Variants in BUD23 observed in about 807,000 individuals in gnomAD.
BUD23 encodes the protein BUD23 rRNA methyltransferase and ribosome maturation factor.
Under a neutral mutation model 47.0 loss-of-function variants are expected in BUD23, and 34 were observed. The ratio of observed to expected loss-of-function variants is 0.72; its 90% CI spans 0.55 to 0.96. The LOEUF is 0.96. Among genes scored for constraint, BUD23 ranks in the 40% least tolerant of loss-of-function variants. The pLI is 0.00. For missense variants in BUD23, 343 were observed against 361.2 expected, an observed-to-expected ratio of 0.95 and a Z score of 0.41; for synonymous variants, 124 against 132.0, an observed-to-expected ratio of 0.94 and a Z score of 0.41.
chr7:73,685,652 C>A lies in BUD23; in HGVS notation c.87-984C>A, dbSNP rs879972488. Among the ~76,000 whole-genome samples the A allele has an allele frequency of 2.0e-5, 3 of 152,252 alleles. No individual in the cohort carries two copies. In the South Asian group the frequency reaches 6.2e-4, roughly 32 times the overall value. ...TAAGTTGCTCACGGGATCCACCCGCCTTGGCCTCCCAAAGTACTGGGATTA... is the reference window on the plus strand; with the variant it reads ...TAAGTTGCTCACGGGATCCACCCGCATTGGCCTCCCAAAGTACTGGGATTA... On this transcript the variant is annotated intron_variant, in intron 2 of 11. Transcript: ENST00000265758.
rs781864139 is a variant in BUD23, at chr7:73,683,614, T to C, written c.-12T>C. ...CAGGCGCCAGTCGCAGGTGTGCTGC[T>C]GAGGCGTGAGAATGGCGTCCCGCGG... On this transcript the variant is annotated 5_prime_UTR_variant, in exon 1 of 12. Transcript: ENST00000265758. 1.9e-6 allele frequency: 3 copies of C among 1,605,954 alleles called. No homozygotes were observed. The South Asian group carries it at 3.3e-5, about 18-fold the overall frequency.
In BUD23 at chr7:73,686,817, G is replaced by T; in HGVS notation, c.183-1G>T. On this transcript the variant is annotated splice_acceptor_variant, in intron 3 of 11. Transcript: ENST00000265758. LOFTEE classifies it high-confidence loss of function. ...CCTGAGTGTCTGGTCATGTCTTCCA[G>T]CTGTGGCACTGGGCTGAGTGGAAGT... 1 of 1,614,172 alleles carries T rather than the reference G, an allele frequency of 6.2e-7. No individual in the cohort carries two copies. The highest frequency in any genetic ancestry group is 1.1e-5 in the South Asian group (1 of 91,086).
intron 8 of BUD23, 29 bp downstream of exon 8, chr7:73,693,443 G>C: frequency 1.2e-6 from 2 of 1,612,202 alleles, no homozygotes; most frequent in Non-Finnish European, 8.5e-7. Flanking sequence ...TGTGCTGCCT[G>C]GGCTGCAGGA....
rs1173279080 is a variant in BUD23, at chr7:73,697,883, C to G, written c.843C>G (p.Phe281Leu). 6.2e-7 allele frequency: 1 copy of G among 1,613,648 alleles called. No individual in the cohort carries two copies. The highest frequency in any genetic ancestry group is 8.5e-7 in the Non-Finnish European group (1 of 1,179,956). The change falls in exon 12 of 12, where the codon TTC becomes TTG. Residue 281 changes from phenylalanine to leucine, a missense_variant. By Grantham distance (22) the Phe-to-Leu change is conservative. Transcript: ENST00000265758. Reference sequence around the variant, plus strand: ...CCGGCCGCAAGCGCAAGCCCCGCTTCTAAGTCACCACGCGGTTCTGGAAAG... The same window carrying G: ...CCGGCCGCAAGCGCAAGCCCCGCTTGTAAGTCACCACGCGGTTCTGGAAAG... Reference protein sequence around the residue: ...QYTGRKRKPRF With the variant: ...QYTGRKRKPRL
intron 10 of BUD23, 83 bp from the exon 11 acceptor site, chr7:73,697,522 C>T: frequency 3.1e-6 from 5 of 1,606,398 alleles, no homozygotes; most frequent in Non-Finnish European, 4.2e-6. Flanking sequence ...CGGAGGTAAG[C>T]TTGCCATGGA....
At chr7:73,685,706 G>T (rs1200179841) in intron 2 of BUD23, among the ~76,000 whole-genome samples, 2 of 152,060 alleles carry the variant, frequency 1.3e-5, no homozygotes, top group Non-Finnish European at 2.9e-5. Flanking sequence ...CCCGGTCCTT[G>T]CTGATGACTT....
chr7:73,689,501 G>A (rs954211914), intron 5 of BUD23, among the ~76,000 whole-genome samples: 3 of 152,172 alleles, frequency 2.0e-5, no homozygotes, highest in Non-Finnish European at 4.4e-5. Context: ...AAGGGCATGA[G>A]TGGTGTGTGC....
intron 9 of BUD23, 117 bp downstream of exon 9, chr7:73,693,786 T>C: frequency 6.9e-7 from 1 of 1,449,670 alleles, no homozygotes; most frequent in Non-Finnish European, 9.7e-7. Context: ...AGCCCCAGAG[T>C]GCAGACCCTG....
intron 2 of BUD23, among the ~76,000 whole-genome samples, chr7:73,685,556 T>C (rs1459325327): frequency 6.6e-6 from 1 of 152,116 alleles, no homozygotes; most frequent in Non-Finnish European, 1.5e-5. Context: ...CAGGCGCGCC[T>C]CCTCGCGCCC....
At chr7:73,694,125 C>T in intron 10 of BUD23, 75 bp downstream of exon 10, 1 of 1,494,034 alleles carries the variant, frequency 6.7e-7, no homozygotes, top group Non-Finnish European at 9.1e-7. Context: ...TTTCTCTCTG[C>T]CCTCACCCAA....
intron 9 of BUD23, 109 bp downstream of exon 9, chr7:73,693,778 C>A: frequency 6.8e-7 from 1 of 1,473,334 alleles, no homozygotes; most frequent in Non-Finnish European, 9.5e-7. Context: ...CAGGGCCCAG[C>A]CCCAGAGTGC....
intron 7 of BUD23, chr7:73,693,061 C>A: frequency 1.8e-6 from 1 of 562,692 alleles, no homozygotes; most frequent in Non-Finnish European, 3.2e-6. Context: ...CAATTGGTGG[C>A]CATCTCCCTA....
intron 10 of BUD23, 95 bp downstream of exon 10, chr7:73,694,145 G>A: frequency 7.6e-7 from 1 of 1,316,348 alleles, no homozygotes; most frequent in Non-Finnish European, 1.0e-6. Flanking sequence ...AGCCTCTCAG[G>A]TCACATGCAG....
intron 4 of BUD23, 42 bp from the exon 5 acceptor site, chr7:73,686,957 A>G: frequency 1.2e-6 from 2 of 1,614,056 alleles, no homozygotes; most frequent in South Asian, 1.1e-5. Context: ...TGGAGAAGCC[A>G]CAGGTATTTC....
rs560128920 is a variant in BUD23, at chr7:73,698,021, C to T, written c.*135C>T. On this transcript the variant is annotated 3_prime_UTR_variant, in exon 12 of 12. Coordinates refer to ENST00000265758, the MANE Select transcript of BUD23 (RefSeq NM_017528.5). Reference sequence around the variant, plus strand: ...TAAAAAAAAAGTTCTCTGGGCCGGGCGTGGTGGCTCACACCTGTAATCCCA... The same window carrying T: ...TAAAAAAAAAGTTCTCTGGGCCGGGTGTGGTGGCTCACACCTGTAATCCCA... The T allele has an allele frequency of 1.7e-5, 17 of 1,006,064 alleles. No individual in the cohort carries two copies. Among genetic ancestry groups the T allele is most frequent in the African/African-American group, 9.9e-5 (6 of 60,490 alleles). 62.3% of individuals were successfully genotyped at this position (1,006,064 alleles called of 1,614,324 possible).
At chr7:73,683,858 G>A (rs782557784) in intron 2 of BUD23, 54 bp downstream of exon 2, 6 of 1,613,890 alleles carry the variant, frequency 3.7e-6, no homozygotes, top group Non-Finnish European at 5.1e-6. Context: ...GCGGCAAGTT[G>A]CCCCTGTTGC....
intron 7 of BUD23, 132 bp from the exon 8 acceptor site, chr7:73,693,197 C>A (rs540471150): frequency 1.2e-6 from 1 of 824,706 alleles, no homozygotes; most frequent in East Asian, 2.7e-5. Flanking sequence ...CTCTACGTGG[C>A]TTACAGCGAC....
At chr7:73,690,814 GT>G (rs34951011) in intron 5 of BUD23, 101 bp from the exon 6 acceptor site, 283,148 of 896,932 alleles carry the variant, frequency 0.32, 48,022 homozygotes, top group Non-Finnish European at 0.34. Flanking sequence ...GGGAGGAGGG[GT>G]TTCTCTTGGA....
intron 2 of BUD23, 143 bp downstream of exon 2, chr7:73,683,947 G>C: frequency 6.4e-7 from 1 of 1,559,710 alleles, no homozygotes. Context: ...TCTGTCTCTG[G>C]TAAATCAACT....
Sources: gnomAD v4.1 joint callset for allele counts (sites outside exome capture counted in the v4.1 genomes callset) on GRCh38, gnomAD v4.1.1 for gene constraint, MANE v1.5 for transcripts, NCBI Gene and HGNC (gene_info 2026-07-23, HGNC 2026-07-21) for gene names.